CAMK4: variants seen among roughly 807,000 people sequenced by gnomAD.
CAMK4 encodes calcium/calmodulin dependent protein kinase IV, also known as calcium/calmodulin-dependent protein kinase type IV.
Under a neutral mutation model 44.9 loss-of-function variants are expected in CAMK4, and 22 were observed. That is an observed-to-expected ratio of 0.49 (90% CI 0.35 to 0.70). The LOEUF (loss-of-function observed/expected upper bound fraction) is 0.70, where lower values mean the gene tolerates loss of function less well. Among genes scored for constraint, CAMK4 ranks in the 30% least tolerant of loss-of-function variants. The pLI, the probability that CAMK4 is intolerant of heterozygous loss-of-function variation, is 0.01. For synonymous variants in CAMK4, 218 were observed against 215.4 expected, an observed-to-expected ratio of 1.01 and a Z score of -0.11; for missense variants, 498 against 586.8, an observed-to-expected ratio of 0.85 and a Z score of 1.56.
chr5:111,441,234 C>T (rs1753812345), intron 5 of CAMK4, among the ~76,000 whole-genome samples: 1 of 152,078 alleles, frequency 6.6e-6, no homozygotes, highest in Non-Finnish European at 1.5e-5. Context: ...CAGAGATATG[C>T]CTTTGGCAGC....
chr5:111,395,463 T>G (rs944230951), intron 5 of CAMK4, among the ~76,000 whole-genome samples: 2 of 151,290 alleles, frequency 1.3e-5, no homozygotes, highest in African/African-American at 4.8e-5. Flanking sequence ...TTTTTTTTTT[T>G]AATTTGGTAG....
chr5:111,489,678 C>G lies in CAMK4; in HGVS notation c.*5212C>G, dbSNP rs1045192156. ...ATCAGATGTTGCTCTAGAGAAGACT[C>G]CAGGCATCTACCTGGTTGAGCTCAA... On this transcript the variant is annotated 3_prime_UTR_variant, in exon 11 of 11. Coordinates refer to ENST00000282356, the MANE Select transcript of CAMK4 (RefSeq NM_001744.6). The G allele has an allele frequency of 5.9e-5, 9 of 152,184 alleles. No individual in the cohort carries two copies. Among genetic ancestry groups the G allele is most frequent in the Admixed American group, 3.9e-4 (6 of 15,272 alleles). 9.4% of individuals were successfully genotyped at this position (152,184 alleles called of 1,614,324 possible).
chr5:111,364,930 C>G (rs1241712307), intron 2 of CAMK4: 1 of 152,186 alleles, frequency 6.6e-6, no homozygotes, highest in Non-Finnish European at 1.5e-5. Context: ...TATCAGTCTC[C>G]TTCTTGTTCC....
intron 2 of CAMK4, among the ~76,000 whole-genome samples, chr5:111,358,474 A>G (rs1750461267): frequency 6.6e-6 from 1 of 152,060 alleles, no homozygotes; most frequent in African/African-American, 2.4e-5. Context: ...GAAGAGTATC[A>G]GATGGATAGT....
At chr5:111,239,251 C>T (rs1048702731) in intron 1 of CAMK4, among the ~76,000 whole-genome samples, 1 of 152,136 alleles carries the variant, frequency 6.6e-6, no homozygotes, top group Non-Finnish European at 1.5e-5. Context: ...CCTTGAAAAA[C>T]CTATGATGCT....
In CAMK4 at chr5:111,359,273, A is replaced by T. The variant is rs1750506145; in HGVS notation, c.240+15171A>T. Among the ~76,000 whole-genome samples the T allele has an allele frequency of 5.6e-5, 2 of 35,574 alleles. 1 individual carries two copies. Among genetic ancestry groups the T allele is most frequent in the Non-Finnish European group, 1.4e-4 (2 of 14,128 alleles). The allele number at this position is 35,574 out of a possible 152,430, so 23.3% of individuals were successfully genotyped here. On this transcript the variant is annotated intron_variant, in intron 2 of 10. Coordinates refer to ENST00000282356, the MANE Select transcript of CAMK4 (RefSeq NM_001744.6). Reference sequence around the variant, plus strand: ...TAGTAACCATTGTGACTGGTGTGAGATGGTATTTGATTGTGGTTTTGATTT... The same window carrying T: ...TAGTAACCATTGTGACTGGTGTGAGTTGGTATTTGATTGTGGTTTTGATTT...
Position 111,387,361 on chromosome 5 carries a change from G to A in CAMK4, c.387-7349G>A, listed in dbSNP as rs371338686. Among the ~76,000 whole-genome samples, 33 of 152,200 alleles carry A rather than the reference G, an allele frequency of 2.2e-4. No homozygotes were observed. The East Asian group carries it at 3.7e-3, about 17-fold the overall frequency. On this transcript the variant is annotated intron_variant, in intron 4 of 10. Transcript: ENST00000282356. The stretch of plus-strand genomic sequence containing the variant: ...CAGCTAAATTGTATAAAGAAATTAC[G>A]TGTCACCTCATGAAACAAATACCCC...
intron 2 of CAMK4, among the ~76,000 whole-genome samples, chr5:111,372,233 G>A (rs1023277504): frequency 2.0e-5 from 3 of 152,118 alleles, no homozygotes; most frequent in Non-Finnish European, 4.4e-5. Flanking sequence ...AATACTAAAA[G>A]CAAACAATAA....
chr5:111,432,237 GAAAT>G (rs1385420903), intron 5 of CAMK4, among the ~76,000 whole-genome samples: 1 of 152,100 alleles, frequency 6.6e-6, no homozygotes, highest in Admixed American at 6.6e-5. Flanking sequence ...TTTTGTTAAT[GAAAT>G]AAGTCAGGCA....
At chr5:111,239,104 A>C (rs558135824) in intron 1 of CAMK4, among the ~76,000 whole-genome samples, 2 of 152,152 alleles carry the variant, frequency 1.3e-5, no homozygotes, top group East Asian at 3.9e-4. Flanking sequence ...TGAGTATCAT[A>C]TGTTTTCATC....
intron 4 of CAMK4, among the ~76,000 whole-genome samples, chr5:111,380,335 C>G (rs1437993837): frequency 6.6e-6 from 1 of 151,362 alleles, no homozygotes; most frequent in Non-Finnish European, 1.5e-5. Context: ...TGTTTTATCA[C>G]TTTTTCCTAA....
intron 1 of CAMK4, among the ~76,000 whole-genome samples, chr5:111,324,369 T>C (rs1397319074): frequency 6.6e-6 from 1 of 151,966 alleles, no homozygotes; most frequent in East Asian, 1.9e-4. Context: ...ATATTCAAAT[T>C]CTAAATATAA....
intron 8 of CAMK4, 82 bp from the exon 9 acceptor site, chr5:111,478,299 C>T: frequency 1.2e-6 from 1 of 811,506 alleles, no homozygotes; most frequent in Non-Finnish European, 1.9e-6. Flanking sequence ...TGAAAAAGAA[C>T]AGTCCTGAAT....
At chr5:111,228,377 A>G (rs1378434864) in intron 1 of CAMK4, among the ~76,000 whole-genome samples, 1 of 152,140 alleles carries the variant, frequency 6.6e-6, no homozygotes, top group Non-Finnish European at 1.5e-5. Flanking sequence ...TGTCACATTT[A>G]TGTAAACACA....
At chr5:111,357,349 A>G (rs1424634722) in intron 2 of CAMK4, among the ~76,000 whole-genome samples, 3 of 152,104 alleles carry the variant, frequency 2.0e-5, no homozygotes, top group Non-Finnish European at 4.4e-5. Flanking sequence ...GTGCTGTCCA[A>G]TGGACCACAA....
chr5:111,245,916 C>T (rs1000421068), intron 1 of CAMK4, among the ~76,000 whole-genome samples: 2 of 152,196 alleles, frequency 1.3e-5, no homozygotes, highest in South Asian at 2.1e-4. Context: ...TCAGCCAAAG[C>T]ATGTTTCTAT....
intron 5 of CAMK4, among the ~76,000 whole-genome samples, chr5:111,424,005 G>A (rs1753123720): frequency 6.6e-6 from 1 of 152,148 alleles, no homozygotes; most frequent in South Asian, 2.1e-4. Context: ...CACACAGCTG[G>A]TCCATGGACG....
At chr5:111,248,476 G>A (rs1227180219) in intron 1 of CAMK4, among the ~76,000 whole-genome samples, 1 of 150,786 alleles carries the variant, frequency 6.6e-6, no homozygotes, top group Non-Finnish European at 1.5e-5. Context: ...CTATAATTTT[G>A]TGTCACTTAA....
chr5:111,228,509 G>GGT (rs373248608), intron 1 of CAMK4, among the ~76,000 whole-genome samples: 41,560 of 145,114 alleles, frequency 0.29, 6,296 homozygotes, highest in Non-Finnish European at 0.35. Flanking sequence ...CATAGTAAGG[G>GGT]GTGTGTGTGT....
Sources: allele counts gnomAD v4.1 joint callset (sites outside exome capture counted in the v4.1 genomes callset), GRCh38; gene constraint gnomAD v4.1.1; transcripts MANE v1.5; gene names NCBI Gene and HGNC (gene_info 2026-07-23, HGNC 2026-07-21).